The following ROBO2 variants were observed in gnomAD, a reference collection of about 807,000 sequenced individuals.
The protein encoded by ROBO2 is roundabout homolog 2.
In ROBO2, 53 loss-of-function variants were observed where a neutral mutation model predicts 160.8. The observed-to-expected ratio is 0.33, with a 90% CI of 0.26 to 0.41. ROBO2 has a LOEUF of 0.41. ROBO2 is among the 10% of genes least tolerant of loss of function. The pLI is 1.00. For missense variants in ROBO2, 1,577 were observed against 1,722.4 expected, an observed-to-expected ratio of 0.92 and a Z score of 1.49; for synonymous variants, 664 against 611.7, an observed-to-expected ratio of 1.09 and a Z score of -1.26.
chr3:77,331,179 T>A (rs184824051), intron 2 of ROBO2, among the ~76,000 whole-genome samples: 2 of 152,218 alleles, frequency 1.3e-5, no homozygotes, highest in African/African-American at 4.8e-5. Context: ...GTAATTACAG[T>A]GTTTCTTGCT....
At chr3:76,202,318 T>C (rs1349596916) in intron 2 of ROBO2, among the ~76,000 whole-genome samples, 1 of 152,256 alleles carries the variant, frequency 6.6e-6, no homozygotes, top group East Asian at 1.9e-4. Context: ...AAATATAAAT[T>C]GTTTAAAAGC....
chr3:77,160,798 T>A (rs543053932), intron 2 of ROBO2, among the ~76,000 whole-genome samples: 1 of 152,104 alleles, frequency 6.6e-6, no homozygotes, highest in African/African-American at 2.4e-5. Flanking sequence ...TACCCCGGAG[T>A]TACAGTTTAT....
At chr3:77,599,424 A>C (rs555182903) in intron 19 of ROBO2, among the ~76,000 whole-genome samples, 8 of 145,174 alleles carry the variant, frequency 5.5e-5, no homozygotes, top group Non-Finnish European at 1.2e-4. Context: ...ACATGTTCTC[A>C]CTCATAGGTG....
At chr3:77,515,411 A>T (rs1489500733) in intron 5 of ROBO2, among the ~76,000 whole-genome samples, 1 of 151,744 alleles carries the variant, frequency 6.6e-6, no homozygotes, top group African/African-American at 2.4e-5. Flanking sequence ...TCTGTATGTT[A>T]AAAATGTCCA....
chr3:76,424,243 A>G (rs2076118124), intron 2 of ROBO2, among the ~76,000 whole-genome samples: 1 of 152,228 alleles, frequency 6.6e-6, no homozygotes, highest in African/African-American at 2.4e-5. Context: ...AATGAATTGA[A>G]CAACTGACAT....
chr3:77,102,722 G>A (rs2072145750), intron 2 of ROBO2, among the ~76,000 whole-genome samples: 1 of 151,550 alleles, frequency 6.6e-6, no homozygotes, highest in Admixed American at 6.6e-5. Context: ...ATTCATTTTG[G>A]TGTTTGTTTT....
chr3:76,081,698 TG>T (rs2068837425), intron 2 of ROBO2, among the ~76,000 whole-genome samples: 1 of 152,114 alleles, frequency 6.6e-6, no homozygotes, highest in South Asian at 2.1e-4. Context: ...TTTTCATAGA[TG>T]TTCTCATTTC....
intron 2 of ROBO2, among the ~76,000 whole-genome samples, chr3:76,957,287 AT>A (rs1432026046): frequency 6.6e-6 from 1 of 152,074 alleles, no homozygotes; most frequent in Non-Finnish European, 1.5e-5. Context: ...ATTCTGTTAC[AT>A]ATTCTTTTTC....
chr3:76,431,596 GTA>G (rs903946338), intron 2 of ROBO2, among the ~76,000 whole-genome samples: 5 of 151,996 alleles, frequency 3.3e-5, no homozygotes, highest in South Asian at 2.1e-4. Context: ...ATAATCTTTC[GTA>G]TAAACAAGCA....
intron 2 of ROBO2, among the ~76,000 whole-genome samples, chr3:76,159,596 C>T (rs183233895): frequency 3.9e-5 from 6 of 152,172 alleles, no homozygotes; most frequent in Admixed American, 1.3e-4. Flanking sequence ...GCCACCAATG[C>T]GAATTCCACA....
chr3:77,442,429 G>A (rs946205536), intron 2 of ROBO2, among the ~76,000 whole-genome samples: 1 of 152,096 alleles, frequency 6.6e-6, no homozygotes, highest in East Asian at 1.9e-4. Flanking sequence ...TAGGAAATAG[G>A]ACTGTAATTT....
chr3:76,432,216 G>A (rs1416383967), intron 2 of ROBO2, among the ~76,000 whole-genome samples: 3 of 152,108 alleles, frequency 2.0e-5, no homozygotes, highest in Admixed American at 2.0e-4. Flanking sequence ...TATATATTCT[G>A]CTCTAGTGTT....
At chr3:76,734,314 A>G (rs1445392443) in intron 2 of ROBO2, among the ~76,000 whole-genome samples, 1 of 152,176 alleles carries the variant, frequency 6.6e-6, no homozygotes, top group African/African-American at 2.4e-5. Context: ...GTTGAAACAC[A>G]TTTGAGAGTA....
chr3:75,986,482 TC>T (rs2065418617), intron 2 of ROBO2, among the ~76,000 whole-genome samples: 1 of 151,826 alleles, frequency 6.6e-6, no homozygotes, highest in Non-Finnish European at 1.5e-5. Flanking sequence ...AATTTTTTTT[TC>T]ATTCTCTGGG....
chr3:77,424,414 G>T (rs1025925850), intron 2 of ROBO2, among the ~76,000 whole-genome samples: 2 of 152,076 alleles, frequency 1.3e-5, no homozygotes, highest in Non-Finnish European at 2.9e-5. Context: ...TTTACCCAGG[G>T]GATATATACT....
At chr3:76,515,603 GC>G (rs1246774659) in intron 2 of ROBO2, among the ~76,000 whole-genome samples, 1 of 151,784 alleles carries the variant, frequency 6.6e-6, no homozygotes, top group Non-Finnish European at 1.5e-5. Flanking sequence ...TGCATATAAA[GC>G]CTAAGCATAT....
intron 2 of ROBO2, among the ~76,000 whole-genome samples, chr3:76,082,087 C>A (rs2108033238): frequency 6.6e-6 from 1 of 152,246 alleles, no homozygotes; most frequent in Non-Finnish European, 1.5e-5. Flanking sequence ...CTACAAGCAT[C>A]AGTCACTGAG....
intron 2 of ROBO2, among the ~76,000 whole-genome samples, chr3:76,254,459 G>T (rs761525704): frequency 5.3e-5 from 8 of 152,070 alleles, no homozygotes; most frequent in Non-Finnish European, 8.8e-5. Context: ...GCGTGTAAAT[G>T]CAGAGTCAGT....
intron 2 of ROBO2, among the ~76,000 whole-genome samples, chr3:76,552,829 A>G (rs1472001642): frequency 2.0e-5 from 3 of 152,206 alleles, no homozygotes; most frequent in African/African-American, 7.2e-5. Flanking sequence ...TTACATAACT[A>G]AGAGTTTAGT....
Sources: allele counts gnomAD v4.1 joint callset (sites outside exome capture counted in the v4.1 genomes callset), GRCh38; gene constraint gnomAD v4.1.1; transcripts MANE v1.5; gene names NCBI Gene and HGNC (gene_info 2026-07-23, HGNC 2026-07-21).